The following DKK2 variants were observed in gnomAD, a reference collection of about 807,000 sequenced individuals.
DKK2 encodes dickkopf Wnt signaling pathway inhibitor 2.
Under a neutral mutation model 28.1 loss-of-function variants are expected in DKK2, and 11 were observed. The observed-to-expected ratio is 0.39, with a 90% CI of 0.25 to 0.65. The LOEUF is 0.65. Among genes scored for constraint, DKK2 ranks in the 30% least tolerant of loss-of-function variants. DKK2 has a pLI of 0.47. For synonymous variants in DKK2, 135 were observed against 126.5 expected, an observed-to-expected ratio of 1.07 and a Z score of -0.45; for missense variants, 326 against 335.5, an observed-to-expected ratio of 0.97 and a Z score of 0.22.
At chr4:107,027,478 G>T (rs1473558662) in intron 1 of DKK2, among the ~76,000 whole-genome samples, 1 of 142,856 alleles carries the variant, frequency 7.0e-6, no homozygotes, top group Non-Finnish European at 1.5e-5. Context: ...AAAAAAGAAA[G>T]AAAATGATAT....
intron 1 of DKK2, among the ~76,000 whole-genome samples, chr4:106,998,726 T>C (rs761074251): frequency 6.6e-6 from 1 of 152,188 alleles, no homozygotes; most frequent in Non-Finnish European, 1.5e-5. Flanking sequence ...TTGCCGTATG[T>C]TCTTTTCAGA....
intron 1 of DKK2, among the ~76,000 whole-genome samples, chr4:106,938,051 T>G (rs1359088219): frequency 4.3e-5 from 6 of 139,140 alleles, no homozygotes; most frequent in African/African-American, 1.6e-4. Context: ...ACATCACAAT[T>G]AAAAGAACTA....
rs368586087 is a variant in DKK2, at chr4:107,027,953, C to A, written c.222+7417G>T. ...TTTTTTAGTAGAGACGGGGTTTCACCGTGTTAGCCAGGATGGTCTCGATCT... is the reference window on the plus strand; with the variant it reads ...TTTTTTAGTAGAGACGGGGTTTCACAGTGTTAGCCAGGATGGTCTCGATCT... On this transcript the variant is annotated intron_variant, in intron 1 of 3. Transcript: ENST00000285311. Among the ~76,000 whole-genome samples the A allele has an allele frequency of 1.3e-4, 19 of 151,992 alleles. 1 individual carries two copies. In the East Asian group the frequency reaches 3.5e-3, roughly 28 times the overall value.
rs941940389 is a variant in DKK2, at chr4:106,940,125, C to A, written c.223-14176G>T. Among the ~76,000 whole-genome samples the A allele has an allele frequency of 2.1e-3, 319 of 152,224 alleles. 3 individuals are homozygous for A. The highest frequency in any genetic ancestry group is 6.7e-3 in the African/African-American group (278 of 41,552). On this transcript the variant is annotated intron_variant, in intron 1 of 3. Coordinates refer to ENST00000285311, the MANE Select transcript of DKK2 (RefSeq NM_014421.3). ...TTGACAAATGGGATCCAATTAAACT[C>A]AAGAGCTTCTGCACAGCAAAAGAAA...
chr4:106,995,292 C>G (rs1723255874), intron 1 of DKK2, among the ~76,000 whole-genome samples: 1 of 151,614 alleles, frequency 6.6e-6, no homozygotes, highest in Admixed American at 6.6e-5. Flanking sequence ...CACTGAAATT[C>G]TTTTTCCTAC....
At chr4:106,946,632 G>A (rs528841345) in intron 1 of DKK2, among the ~76,000 whole-genome samples, 1 of 152,096 alleles carries the variant, frequency 6.6e-6, no homozygotes, top group Admixed American at 6.6e-5. Context: ...CCTACACATA[G>A]AGCATAGGCA....
chr4:106,975,477 A>G (rs1722930306), intron 1 of DKK2, among the ~76,000 whole-genome samples: 1 of 152,110 alleles, frequency 6.6e-6, no homozygotes, highest in South Asian at 2.1e-4. Context: ...GGGAGGGTGT[A>G]TGTGTCTAGG....
At chr4:107,034,009 A>G (rs1325786910) in intron 1 of DKK2, among the ~76,000 whole-genome samples, 1 of 152,032 alleles carries the variant, frequency 6.6e-6, no homozygotes, top group Non-Finnish European at 1.5e-5. Flanking sequence ...CTGATTGCTG[A>G]TTTTGTAATC....
At chr4:107,018,485 C>T (rs1246297614) in intron 1 of DKK2, among the ~76,000 whole-genome samples, 4 of 152,090 alleles carry the variant, frequency 2.6e-5, no homozygotes, top group Non-Finnish European at 4.4e-5. Flanking sequence ...ATTAAAGGCT[C>T]ATATCTGAGA....
At chr4:106,956,888 C>A (rs1299796494) in intron 1 of DKK2, among the ~76,000 whole-genome samples, 2 of 150,514 alleles carry the variant, frequency 1.3e-5, no homozygotes, top group Admixed American at 1.3e-4. Context: ...CAACAAAAGC[C>A]AAAATTGACA....
intron 1 of DKK2, among the ~76,000 whole-genome samples, chr4:106,939,813 C>T (rs1333358755): frequency 6.6e-6 from 1 of 151,714 alleles, no homozygotes; most frequent in Non-Finnish European, 1.5e-5. Flanking sequence ...TGCATATCTA[C>T]AACTATCTGA....
intron 1 of DKK2, among the ~76,000 whole-genome samples, chr4:106,930,270 ATCT>A (rs1376187630): frequency 6.6e-5 from 10 of 152,198 alleles, no homozygotes; most frequent in African/African-American, 2.2e-4. Flanking sequence ...TAGTCACTCA[ATCT>A]TCTTTGAAAT....
intron 1 of DKK2, among the ~76,000 whole-genome samples, chr4:106,960,496 C>T (rs1722671172): frequency 6.6e-6 from 1 of 151,882 alleles, no homozygotes; most frequent in Non-Finnish European, 1.5e-5. Flanking sequence ...GTGACAGGTG[C>T]ACTAAAATCC....
chr4:106,932,776 T>A (rs578236799), intron 1 of DKK2, among the ~76,000 whole-genome samples: 1 of 152,164 alleles, frequency 6.6e-6, no homozygotes, highest in Non-Finnish European at 1.5e-5. Flanking sequence ...AATCTTAAGG[T>A]CTCTTCCAAA....
chr4:107,015,214 C>CG (rs1723577448), intron 1 of DKK2, among the ~76,000 whole-genome samples: 1 of 151,554 alleles, frequency 6.6e-6, no homozygotes, highest in South Asian at 2.1e-4. Flanking sequence ...GGTACCTATA[C>CG]ACTTGGTATT....
chr4:106,982,718 T>A (rs2110358613), intron 1 of DKK2, among the ~76,000 whole-genome samples: 1 of 152,172 alleles, frequency 6.6e-6, no homozygotes, highest in African/African-American at 2.4e-5. Context: ...GTAGGTTATG[T>A]AAAGCAGAGG....
At chr4:106,983,042 G>GAAAGAAAGAAAGAGA (rs899906709) in intron 1 of DKK2, among the ~76,000 whole-genome samples, 1 of 140,192 alleles carries the variant, frequency 7.1e-6, no homozygotes, top group Non-Finnish European at 1.6e-5. Context: ...AAAGATGAAA[G>GAAAGAAAGAAAGAGA]AAAGAAAGAA....
chr4:106,987,781 A>G (rs927472148), intron 1 of DKK2, among the ~76,000 whole-genome samples: 1 of 151,860 alleles, frequency 6.6e-6, no homozygotes, highest in African/African-American at 2.4e-5. Context: ...TATCTTCACA[A>G]TAAATTTCTT....
chr4:106,954,493 C>T (rs1269103549), intron 1 of DKK2, among the ~76,000 whole-genome samples: 1 of 152,044 alleles, frequency 6.6e-6, no homozygotes, highest in African/African-American at 2.4e-5. Flanking sequence ...AAATGACATC[C>T]TAAAGCAGAT....
Sources: gnomAD v4.1 joint callset for allele counts (sites outside exome capture counted in the v4.1 genomes callset) on GRCh38, gnomAD v4.1.1 for gene constraint, MANE v1.5 for transcripts, NCBI Gene and HGNC (gene_info 2026-07-23, HGNC 2026-07-21) for gene names.